The following RYR2 variants were observed in gnomAD, a reference collection of about 807,000 sequenced individuals.
RYR2 encodes the protein ryanodine receptor 2.
Under a neutral mutation model 601.1 loss-of-function variants are expected in RYR2, and 227 were observed. The observed-to-expected ratio is 0.38, with a 90% CI of 0.34 to 0.42. RYR2 has a LOEUF of 0.42. Ranked by LOEUF, RYR2 falls within the 10% of genes least tolerant of loss-of-function variation. The pLI, the probability that RYR2 is intolerant of heterozygous loss-of-function variation, is 1.00. For missense variants in RYR2, 4,646 were observed against 6,156.5 expected, an observed-to-expected ratio of 0.75 and a Z score of 8.21; for synonymous variants, 2,223 against 2,175.1, an observed-to-expected ratio of 1.02 and a Z score of -0.61.
Position 237,828,250 on chromosome 1 carries a change from A to T in RYR2, c.14591-131A>T, listed in dbSNP as rs1663387733. 5.1e-6 allele frequency: 3 copies of T among 583,176 alleles called. No individual in the cohort carries two copies. The African/African-American group carries it at 5.6e-5, about 11-fold the overall frequency. 36.1% of individuals were successfully genotyped at this position (583,176 alleles called of 1,614,324 possible). A position where few individuals can be genotyped will look rare whatever the true frequency, so the allele number is the denominator to read the frequency against. ...TTTCTCCTAGGAGTATCGGATATGT[A>T]GTCACGTTTACCATGTTCTGAGCAT... On this transcript the variant is annotated intron_variant, in intron 101 of 104. Transcript: ENST00000366574.
At chr1:237,139,974 G>A (rs1673211125) in intron 1 of RYR2, among the ~76,000 whole-genome samples, 1 of 152,204 alleles carries the variant, frequency 6.6e-6, no homozygotes, top group Non-Finnish European at 1.5e-5. Context: ...GTGCCTGAAA[G>A]TGAGGTTTGT....
intron 3 of RYR2, among the ~76,000 whole-genome samples, chr1:237,349,197 T>G (rs1409716619): frequency 6.6e-6 from 1 of 152,016 alleles, no homozygotes; most frequent in Non-Finnish European, 1.5e-5. Flanking sequence ...TAAAAAATCT[T>G]AAAAGTAACT....
Position 237,639,490 on chromosome 1 carries a change from T to C in RYR2, c.7115+289T>C, listed in dbSNP as rs114643406. 0.013 allele frequency among the ~76,000 whole-genome samples: 1,948 copies of C among 152,280 alleles called. 39 individuals are homozygous for C. The highest frequency in any genetic ancestry group is 0.042 in the African/African-American group (1,746 of 41,574). On this transcript the variant is annotated intron_variant, in intron 46 of 104. Coordinates refer to ENST00000366574, the MANE Select transcript of RYR2 (RefSeq NM_001035.3). ...AGGGGAGCTAGGGCAAGGTGGGTTG[T>C]TGTAAATGATACGAAGTGAACCTTT...
intron 1 of RYR2, among the ~76,000 whole-genome samples, chr1:237,120,638 T>G (rs762425084): frequency 6.6e-6 from 1 of 152,194 alleles, no homozygotes; most frequent in Non-Finnish European, 1.5e-5. Flanking sequence ...TGGTAAAGTA[T>G]CAACAATAGT....
chr1:237,464,347 ACTTCACATCCTAACTTCCATTCT>A (rs1436558015), intron 16 of RYR2, among the ~76,000 whole-genome samples: 1 of 151,684 alleles, frequency 6.6e-6, no homozygotes, highest in African/African-American at 2.4e-5. Context: ...TCACATCCTA[ACTTCACATCCTAACTTCCATTCT>A]CTTCACATCC....
intron 18 of RYR2, among the ~76,000 whole-genome samples, 176 bp from the exon 19 acceptor site, chr1:237,492,778 C>T (rs139713256): frequency 1.3e-3 from 199 of 149,220 alleles, no homozygotes; most frequent in African/African-American, 4.5e-3. Flanking sequence ...GAGCTATGAT[C>T]GCATCACTGC....
At chr1:237,809,148 TAAA>T in intron 100 of RYR2, 113 bp downstream of exon 100, 1 of 1,018,274 alleles carries the variant, frequency 9.8e-7, no homozygotes, top group Non-Finnish European at 1.5e-6. Context: ...TCTAAACAAA[TAAA>T]AAGTTGCAGG....
intron 3 of RYR2, among the ~76,000 whole-genome samples, chr1:237,350,339 G>A (rs959916548): frequency 2.6e-5 from 4 of 151,622 alleles, no homozygotes; most frequent in African/African-American, 2.4e-5. Context: ...ACTTTGGGAG[G>A]TGAGTGGATC....
intron 84 of RYR2, among the ~76,000 whole-genome samples, chr1:237,765,261 G>T (rs1485794652): frequency 6.6e-6 from 1 of 151,870 alleles, no homozygotes. Flanking sequence ...TTATGACATT[G>T]AAAGTGCAAT....
rs145033797 is a variant in RYR2 at position 237,405,919 on chromosome 1, C to G, written c.774-11130C>G. Among the ~76,000 whole-genome samples, 165 of 91,274 alleles carry G rather than the reference C, an allele frequency of 1.8e-3. 3 individuals carry two copies. The highest frequency in any genetic ancestry group is 4.7e-3 in the African/African-American group (148 of 31,274). 59.9% of individuals were successfully genotyped at this position (91,274 alleles called of 152,430 possible). The stretch of plus-strand genomic sequence containing the variant: ...TGAAAAAACTTTCTTAACTTTATCT[C>G]TTCATCCCACCATCAACCACTGAGG... On this transcript the variant is annotated intron_variant, in intron 10 of 104. Transcript: ENST00000366574.
At chr1:237,101,124 CA>C (rs1668046553) in intron 1 of RYR2, among the ~76,000 whole-genome samples, 1 of 152,060 alleles carries the variant, frequency 6.6e-6, no homozygotes, top group African/African-American at 2.4e-5. Context: ...TCTGCTGTCT[CA>C]GGGGCAGCTC....
rs1682832389 is a variant in RYR2, at chr1:237,213,670, A to G, written c.49-56827A>G. ...TGAATTAAGTACAATTGCTTTTCTT[A>G]GTTTGTAATTTACTTTCCACGAGGT... On this transcript the variant is annotated intron_variant, in intron 1 of 104. Transcript: ENST00000366574. 2.0e-5 allele frequency among the ~76,000 whole-genome samples: 3 copies of G among 152,106 alleles called. No individual in the cohort carries two copies. In the South Asian group the frequency reaches 6.2e-4, roughly 31 times the overall value.
At chr1:237,352,772 G>A (rs1026982429) in intron 3 of RYR2, 3 of 460,294 alleles carry the variant, frequency 6.5e-6, no homozygotes, top group Admixed American at 4.6e-5. Flanking sequence ...AAGTAGATCT[G>A]TACATTTGTG....
At chr1:237,248,131 G>A (rs371541157) in intron 1 of RYR2, among the ~76,000 whole-genome samples, 1 of 151,962 alleles carries the variant, frequency 6.6e-6, no homozygotes, top group Non-Finnish European at 1.5e-5. Flanking sequence ...AATGAGCCGG[G>A]TGTGGTGGTG....
intron 32 of RYR2, among the ~76,000 whole-genome samples, chr1:237,592,074 G>A (rs1335754316): frequency 6.6e-6 from 1 of 152,078 alleles, no homozygotes; most frequent in African/African-American, 2.4e-5. Flanking sequence ...ATTTGTAATG[G>A]CATGCATAAT....
intron 1 of RYR2, among the ~76,000 whole-genome samples, chr1:237,213,316 T>G (rs1045430821): frequency 3.9e-5 from 6 of 152,090 alleles, no homozygotes; most frequent in African/African-American, 1.2e-4. Context: ...TAGCTGGGAT[T>G]ACCAGCATGC....
intron 13 of RYR2, among the ~76,000 whole-genome samples, chr1:237,441,987 G>A (rs571309920): frequency 1.3e-5 from 2 of 152,332 alleles, no homozygotes; most frequent in South Asian, 4.1e-4. Context: ...TTTGATTTAT[G>A]TATATTCAGC....
At chr1:237,344,899 C>T in intron 3 of RYR2, among the ~76,000 whole-genome samples, 1 of 152,090 alleles carries the variant, frequency 6.6e-6, no homozygotes, top group South Asian at 2.1e-4. Context: ...CAACCTCTGC[C>T]TCCCGGATTC....
chr1:237,108,816 AC>A (rs1433237367), intron 1 of RYR2, among the ~76,000 whole-genome samples: 1 of 152,186 alleles, frequency 6.6e-6, no homozygotes, highest in Admixed American at 6.5e-5. Flanking sequence ...TGTGCTTTCC[AC>A]CAGCGTTCCA....
Sources: gnomAD v4.1 joint callset for allele counts (sites outside exome capture counted in the v4.1 genomes callset) on GRCh38, gnomAD v4.1.1 for gene constraint, MANE v1.5 for transcripts, NCBI Gene and HGNC (gene_info 2026-07-23, HGNC 2026-07-21) for gene names.